GRID2: variants seen among roughly 807,000 people sequenced by gnomAD.
GRID2 encodes the protein glutamate ionotropic receptor delta type subunit 2, also known as glutamate receptor ionotropic, delta-2.
GRID2 carries 33 observed loss-of-function variants against 114.8 expected under a neutral mutation model. That is an observed-to-expected ratio of 0.29 (90% CI 0.22 to 0.38). GRID2 has a LOEUF of 0.38. Ranked by LOEUF, GRID2 falls within the 10% of genes least tolerant of loss-of-function variation. The pLI, the probability that GRID2 is intolerant of heterozygous loss-of-function variation, is 1.00. For synonymous variants in GRID2, 505 were observed against 449.9 expected (o/e 1.12, Z -1.55); for missense variants, 1,184 against 1,257.7 (o/e 0.94, Z 0.89).
chr4:93,527,214 GATTA>G (rs1410480386), intron 13 of GRID2, among the ~76,000 whole-genome samples: 1 of 152,050 alleles, frequency 6.6e-6, no homozygotes, highest in Non-Finnish European at 1.5e-5. Context: ...ATGTTTCTCA[GATTA>G]ATTGTCATCT....
intron 2 of GRID2, among the ~76,000 whole-genome samples, chr4:92,686,046 G>A (rs996005859): frequency 2.6e-5 from 4 of 151,882 alleles, no homozygotes; most frequent in Non-Finnish European, 5.9e-5. Flanking sequence ...TTTACATTCT[G>A]GAGAAAAAAG....
chr4:93,681,961 A>T (rs527938187), intron 14 of GRID2, among the ~76,000 whole-genome samples: 2 of 151,444 alleles, frequency 1.3e-5, no homozygotes, highest in East Asian at 1.9e-4. Flanking sequence ...GCTTCTGCAC[A>T]GCAAAAGAAA....
intron 2 of GRID2, among the ~76,000 whole-genome samples, chr4:92,858,685 G>A (rs1185073132): frequency 3.9e-5 from 6 of 152,042 alleles, no homozygotes; most frequent in African/African-American, 7.2e-5. Context: ...AGCCTCCTGC[G>A]TAGCTGGGAC....
intron 2 of GRID2, among the ~76,000 whole-genome samples, chr4:93,014,513 C>G (rs1722491151): frequency 6.6e-6 from 1 of 152,000 alleles, no homozygotes; most frequent in African/African-American, 2.4e-5. Flanking sequence ...TAGAGACAAT[C>G]CAGGCCCCCA....
chr4:92,502,553 G>A (rs914843938), intron 1 of GRID2, among the ~76,000 whole-genome samples: 9 of 151,782 alleles, frequency 5.9e-5, no homozygotes, highest in African/African-American at 1.9e-4. Context: ...GGAACATCGA[G>A]GGTATAGTTT....
At chr4:93,798,510 G>A (rs1734853297) in intron 1 of GRID2, among the ~76,000 whole-genome samples, 1 of 152,154 alleles carries the variant, frequency 6.6e-6, no homozygotes. Flanking sequence ...CCTTGGGAAT[G>A]ACTATGATCG....
intron 4 of GRID2, among the ~76,000 whole-genome samples, chr4:93,117,352 TAA>T (rs1733371415): frequency 6.6e-6 from 1 of 152,114 alleles, no homozygotes; most frequent in African/African-American, 2.4e-5. Flanking sequence ...TTTCAAGGGA[TAA>T]ATATCAGCTT....
chr4:92,539,018 G>A (rs868381226), intron 1 of GRID2, among the ~76,000 whole-genome samples: 35 of 150,708 alleles, frequency 2.3e-4, no homozygotes, highest in African/African-American at 8.1e-4. Flanking sequence ...CTCCAGCCTG[G>A]GCGACAGAGC....
At chr4:92,801,544 C>G (rs909838394) in intron 2 of GRID2, among the ~76,000 whole-genome samples, 13 of 151,764 alleles carry the variant, frequency 8.6e-5, no homozygotes, top group African/African-American at 3.1e-4. Context: ...ATATAGATTT[C>G]TTTGTTTTAT....
chr4:92,966,781 C>T (rs946941427), intron 2 of GRID2, among the ~76,000 whole-genome samples: 2 of 151,890 alleles, frequency 1.3e-5, no homozygotes, highest in African/African-American at 4.8e-5. Context: ...TACTCAGTCT[C>T]GGGTATGTCC....
intron 1 of GRID2, among the ~76,000 whole-genome samples, chr4:92,541,363 T>G (rs7685707): frequency 6.6e-6 from 1 of 151,598 alleles, no homozygotes; most frequent in Non-Finnish European, 1.5e-5. Context: ...AAACAATTTT[T>G]TGGTCAAAGA....
At chr4:93,193,475 G>C (rs1459927593) in intron 4 of GRID2, among the ~76,000 whole-genome samples, 1 of 151,966 alleles carries the variant, frequency 6.6e-6, no homozygotes. Flanking sequence ...TGCCCCTTTT[G>C]CTCTGCACTT....
chr4:93,233,341 T>TA (rs1746370689), intron 7 of GRID2, among the ~76,000 whole-genome samples: 2 of 150,140 alleles, frequency 1.3e-5, no homozygotes, highest in African/African-American at 4.9e-5. Flanking sequence ...TATTATTTTT[T>TA]TTTTTATTTT....
chr4:92,778,819 G>A (rs965993343), intron 2 of GRID2, among the ~76,000 whole-genome samples: 1 of 151,992 alleles, frequency 6.6e-6, no homozygotes, highest in African/African-American at 2.4e-5. Flanking sequence ...TTTATGTGAA[G>A]TTATCTTCAG....
intron 1 of GRID2, among the ~76,000 whole-genome samples, chr4:92,525,487 T>C (rs1724998081): frequency 6.6e-6 from 1 of 152,008 alleles, no homozygotes; most frequent in African/African-American, 2.4e-5. Context: ...GGGAGAACTG[T>C]CAGGAAAGTA....
chr4:93,644,891 G>C (rs915065984), intron 14 of GRID2, among the ~76,000 whole-genome samples: 2 of 152,070 alleles, frequency 1.3e-5, no homozygotes, highest in African/African-American at 4.8e-5. Flanking sequence ...AAAAAAATAT[G>C]CAATGAAATG....
At chr4:93,209,090 TG>T (rs1280764925) in intron 5 of GRID2, among the ~76,000 whole-genome samples, 1 of 151,954 alleles carries the variant, frequency 6.6e-6, no homozygotes, top group Non-Finnish European at 1.5e-5. Flanking sequence ...GGTTTTGTTT[TG>T]TTTTTGTTTT....
chr4:92,467,966 C>T (rs1378961377), intron 1 of GRID2, among the ~76,000 whole-genome samples: 1 of 151,814 alleles, frequency 6.6e-6, no homozygotes, highest in Non-Finnish European at 1.5e-5. Flanking sequence ...TGTAAACTTA[C>T]CTATGACTAC....
chr4:93,562,829 G>T (rs1735050921), intron 13 of GRID2, among the ~76,000 whole-genome samples: 1 of 151,960 alleles, frequency 6.6e-6, no homozygotes, highest in African/African-American at 2.4e-5. Context: ...CTTTGTCAAA[G>T]ATCAAATTAC....
Sources: allele counts gnomAD v4.1 joint callset (sites outside exome capture counted in the v4.1 genomes callset), GRCh38; gene constraint gnomAD v4.1.1; transcripts MANE v1.5; gene names NCBI Gene and HGNC (gene_info 2026-07-23, HGNC 2026-07-21).